PHEX: variants seen among roughly 807,000 people sequenced by gnomAD.
PHEX encodes phosphate-regulating neutral endopeptidase PHEX.
In PHEX, 16 loss-of-function variants were observed where a neutral mutation model predicts 68.0. The observed-to-expected ratio is 0.24, with a 90% confidence interval of 0.16 to 0.36. The LOEUF is 0.36. PHEX is among the 10% of genes least tolerant of loss of function. The probability of loss-of-function intolerance (pLI) is 1.00; values close to 1 mark genes in which losing one functional copy is unlikely to be tolerated. For missense variants in PHEX, 480 were observed against 575.5 expected (o/e 0.83, Z 1.70); for synonymous variants, 208 against 205.1 (o/e 1.01, Z -0.12).
chrX:22,049,787 C>T (rs1049623256), intron 3 of PHEX, among the ~76,000 whole-genome samples: 5 of 110,328 alleles, frequency 4.5e-5, no homozygotes, highest in Middle Eastern at 4.7e-3. Context: ...TCACTTGAAC[C>T]AGGAGGGAGA....
chrX:22,226,647 G>A (rs1482603753), intron 19 of PHEX, 139 bp downstream of exon 19: 1 of 557,825 alleles, frequency 1.8e-6, no homozygotes, highest in Non-Finnish European at 3.2e-6. Context: ...ATAGAAGTGT[G>A]TCTCCCCATT....
chrX:22,126,021 T>C (rs1931703692), intron 11 of PHEX, among the ~76,000 whole-genome samples: 1 of 112,272 alleles, frequency 8.9e-6, no homozygotes, highest in Non-Finnish European at 1.9e-5. Context: ...TCAAAAAGCA[T>C]AAATTGATCA....
chrX:22,203,445 G>A (rs1934618416), intron 15 of PHEX, among the ~76,000 whole-genome samples: 1 of 110,059 alleles, frequency 9.1e-6, no homozygotes, highest in East Asian at 2.8e-4. Flanking sequence ...GATACTTTCT[G>A]GAAAGGGGAA....
At chrX:22,113,235 T>C (rs1931073243) in intron 10 of PHEX, among the ~76,000 whole-genome samples, 1 of 111,830 alleles carries the variant, frequency 8.9e-6, no homozygotes, top group African/African-American at 3.2e-5. Flanking sequence ...CGAAGAAGGT[T>C]GTAGGATCTC....
intron 12 of PHEX, among the ~76,000 whole-genome samples, chrX:22,145,327 G>C (rs946348447): frequency 8.9e-6 from 1 of 112,208 alleles, no homozygotes; most frequent in African/African-American, 3.2e-5. Context: ...TTACCCAGGA[G>C]GGGCCCGGCG....
intron 12 of PHEX, among the ~76,000 whole-genome samples, chrX:22,143,682 G>T (rs1158874205): frequency 8.9e-6 from 1 of 112,184 alleles, no homozygotes; most frequent in Non-Finnish European, 1.9e-5. Flanking sequence ...TTTTGTGACT[G>T]GCTTCTTTCA....
intron 16 of PHEX, 68 bp from the exon 17 acceptor site, chrX:22,218,968 A>G: frequency 1.3e-6 from 1 of 788,153 alleles, no homozygotes. Flanking sequence ...TTCCATTGAA[A>G]AAATTAAAGG....
chrX:22,043,510 AAGGTGTCTT>A (rs111535703), intron 2 of PHEX, among the ~76,000 whole-genome samples: 2,914 of 111,659 alleles, frequency 0.026, 96 homozygotes, highest in African/African-American at 0.088. Context: ...TCACCTGCCT[AAGGTGTCTT>A]AGCTGCTGCA....
chrX:22,049,807 G>A (rs1329689272), intron 3 of PHEX, among the ~76,000 whole-genome samples: 1 of 110,487 alleles, frequency 9.1e-6, no homozygotes, highest in Non-Finnish European at 1.9e-5. Context: ...AGATTGCAGT[G>A]AGCCAAGATC....
chrX:22,218,018 G>A (rs113233357), intron 16 of PHEX, among the ~76,000 whole-genome samples: 2,461 of 109,730 alleles, frequency 0.022, 42 homozygotes, highest in Non-Finnish European at 0.034. Flanking sequence ...AACTAGGGCT[G>A]GACTCACAGA....
chrX:22,224,947 A>AATTAACATACAGCGCTGTATGATTT (rs1935398340), intron 18 of PHEX, among the ~76,000 whole-genome samples: 1 of 23,247 alleles, frequency 4.3e-5, no homozygotes, highest in Non-Finnish European at 7.9e-5. Context: ...AAATAACATA[A>AATTAACATACAGCGCTGTATGATTT]ATTATCATAC....
intron 18 of PHEX, among the ~76,000 whole-genome samples, chrX:22,224,262 T>C (rs1935368482): frequency 9.0e-6 from 1 of 111,720 alleles, no homozygotes; most frequent in Non-Finnish European, 1.9e-5. Context: ...GGATTACAGG[T>C]GTGAGCCACC....
intron 15 of PHEX, among the ~76,000 whole-genome samples, chrX:22,209,735 GCTCCCTCTGCTCCCTCTC>G (rs1417655967): frequency 0.02 from 1,004 of 51,231 alleles, 23 homozygotes; most frequent in African/African-American, 0.068. Context: ...TGCTCCCTCT[GCTCCCTCTGCTCCCTCTC>G]CTCCCTCTCC....
chrX:22,036,051 T>TC (rs1926997033), intron 1 of PHEX, among the ~76,000 whole-genome samples: 1 of 59,375 alleles, frequency 1.7e-5, no homozygotes, highest in African/African-American at 7.5e-5. Flanking sequence ...TATATATATA[T>TC]ATATTTTTTT....
intron 15 of PHEX, among the ~76,000 whole-genome samples, chrX:22,212,049 C>T (rs1448345294): frequency 9.0e-6 from 1 of 111,706 alleles, no homozygotes; most frequent in Non-Finnish European, 1.9e-5. Context: ...ATATAATTCA[C>T]CCTTTCTCTG....
At chrX:22,237,692 CCT>C (rs1444701108) in intron 20 of PHEX, among the ~76,000 whole-genome samples, 2 of 112,260 alleles carry the variant, frequency 1.8e-5, no homozygotes, top group Non-Finnish European at 3.8e-5. Context: ...CACTGTCCTT[CCT>C]CTCCCACTGC....
chrX:22,084,744 T>C (rs952043349), intron 5 of PHEX, among the ~76,000 whole-genome samples: 3 of 110,746 alleles, frequency 2.7e-5, no homozygotes, highest in African/African-American at 9.8e-5. Context: ...GTTGCATATG[T>C]CCAGGAATTT....
In PHEX at chrX:22,061,353, C is replaced by T. The variant is rs1489797104; in HGVS notation, c.349+14142C>T. Among the ~76,000 whole-genome samples, 3 of 111,543 alleles carry T rather than the reference C, an allele frequency of 2.7e-5. No homozygotes were observed. In the East Asian group the frequency reaches 8.4e-4, roughly 31 times the overall value. The stretch of plus-strand genomic sequence containing the variant: ...CTGATTAGATTGTTTTAGCTATGCT[C>T]TCACCCCCAATTCTGAGAACTTTTC... On this transcript the variant is annotated intron_variant, in intron 3 of 21. Transcript: ENST00000379374.
At chrX:22,234,936 C>T (rs938824982) in intron 20 of PHEX, among the ~76,000 whole-genome samples, 1 of 111,866 alleles carries the variant, frequency 8.9e-6, no homozygotes, top group Non-Finnish European at 1.9e-5. Context: ...TGCTGGAAAC[C>T]CAGAGCCCTG....
Sources: gnomAD v4.1 joint callset for allele counts (sites outside exome capture counted in the v4.1 genomes callset) on GRCh38, gnomAD v4.1.1 for gene constraint, MANE v1.5 for transcripts, NCBI Gene and HGNC (gene_info 2026-07-23, HGNC 2026-07-21) for gene names.